ANAPC10: variants seen among roughly 807,000 people sequenced by gnomAD.
The protein encoded by ANAPC10 is anaphase promoting complex subunit 10, also known as anaphase-promoting complex subunit 10.
A neutral mutation model predicts 22.0 loss-of-function variants in ANAPC10; 12 were observed. The ratio of observed to expected loss-of-function variants is 0.55; its 90% CI spans 0.35 to 0.88. The LOEUF (loss-of-function observed/expected upper bound fraction) is 0.88, where lower values mean the gene tolerates loss of function less well. ANAPC10 is among the 40% of genes least tolerant of loss of function. The pLI is 0.01. For synonymous variants in ANAPC10, 65 were observed against 69.5 expected (o/e 0.94, Z 0.32); for missense variants, 188 against 220.9 (o/e 0.85, Z 0.94).
chr4:145,034,950 G>A lies in ANAPC10; in HGVS notation c.327+29622C>T, dbSNP rs7694369. 4.4e-3 allele frequency among the ~76,000 whole-genome samples: 667 copies of A among 152,246 alleles called. 3 individuals carry two copies. The highest frequency in any genetic ancestry group is 0.015 in the African/African-American group (613 of 41,540). Reference sequence around the variant, plus strand: ...GATGGATTTCAGAGAGCAGCAGCTGGAGCCATCAGTCAGTTACTGTTTGTG... The same window carrying A: ...GATGGATTTCAGAGAGCAGCAGCTGAAGCCATCAGTCAGTTACTGTTTGTG... On this transcript the variant is annotated intron_variant, in intron 4 of 4. Transcript: ENST00000507656.
chr4:145,000,203 G>A (rs1324620962), intron 4 of ANAPC10, among the ~76,000 whole-genome samples: 1 of 152,102 alleles, frequency 6.6e-6, no homozygotes, highest in Non-Finnish European at 1.5e-5. Flanking sequence ...TTGTCAAATG[G>A]GATCTAATTA....
chr4:145,007,863 C>T (rs948116650), intron 4 of ANAPC10, among the ~76,000 whole-genome samples: 6 of 20,360 alleles, frequency 2.9e-4, no homozygotes, highest in Admixed American at 9.6e-4. Flanking sequence ...ACAAAAAAAA[C>T]CCTTCAAAAA....
intron 4 of ANAPC10, among the ~76,000 whole-genome samples, chr4:145,037,470 T>C (rs1473805325): frequency 2.0e-5 from 3 of 152,146 alleles, no homozygotes; most frequent in African/African-American, 4.8e-5. Flanking sequence ...AGGTTAAAAC[T>C]AGCCTTTAAG....
At chr4:145,084,116 A>G (rs1345640558) in intron 2 of ANAPC10, among the ~76,000 whole-genome samples, 1 of 152,196 alleles carries the variant, frequency 6.6e-6, no homozygotes, top group African/African-American at 2.4e-5. Flanking sequence ...AACCACAGGC[A>G]TGTGCCACCA....
intron 4 of ANAPC10, among the ~76,000 whole-genome samples, chr4:145,022,830 T>C (rs1736152807): frequency 6.6e-6 from 1 of 151,954 alleles, no homozygotes. Context: ...ACAGCATCTT[T>C]TTTTTATATT....
At chr4:145,080,113 CAAAAAAAAAAAAA>C (rs70956824) in intron 3 of ANAPC10, among the ~76,000 whole-genome samples, 5 of 26,790 alleles carry the variant, frequency 1.9e-4, no homozygotes, top group African/African-American at 7.1e-4. Flanking sequence ...GACTCTGTCT[CAAAAAAAAAAAAA>C]AAAAAAAAAA....
In ANAPC10 at chr4:145,018,355, C is replaced by T. The variant is rs1036550959; in HGVS notation, c.328-22752G>A. Among the ~76,000 whole-genome samples, 9 of 152,060 alleles carry T rather than the reference C, an allele frequency of 5.9e-5. No homozygotes were observed. In the Middle Eastern group the frequency reaches 0.01, roughly 172 times the overall value. On this transcript the variant is annotated intron_variant, in intron 4 of 4. Coordinates refer to ENST00000507656, the MANE Select transcript of ANAPC10 (RefSeq NM_001256706.2). ...AATGGATAAGCATTCACCAACTGGC[C>T]GGGCACCGCGGCTCACACCTATAAT...
intron 4 of ANAPC10, among the ~76,000 whole-genome samples, chr4:145,020,348 C>G (rs1313763819): frequency 6.6e-6 from 1 of 152,014 alleles, no homozygotes; most frequent in Non-Finnish European, 1.5e-5. Context: ...GATCATCTCA[C>G]CAGATGCAGA....
chr4:145,066,691 G>C (rs1259980840), intron 3 of ANAPC10, among the ~76,000 whole-genome samples: 7 of 151,928 alleles, frequency 4.6e-5, no homozygotes, highest in Admixed American at 2.0e-4. Flanking sequence ...TTTGTGTCTG[G>C]CCCAGAAGTA....
chr4:145,020,737 C>A (rs528547903), intron 4 of ANAPC10, among the ~76,000 whole-genome samples: 1 of 151,906 alleles, frequency 6.6e-6, no homozygotes, highest in East Asian at 1.9e-4. Flanking sequence ...GTAAAGTTTC[C>A]AGATACAAGA....
chr4:145,036,452 G>A (rs1045652262), intron 4 of ANAPC10, among the ~76,000 whole-genome samples: 3 of 152,176 alleles, frequency 2.0e-5, no homozygotes, highest in African/African-American at 7.2e-5. Context: ...CTCCCAAAGA[G>A]TGAGGCAAGA....
intron 4 of ANAPC10, among the ~76,000 whole-genome samples, chr4:145,050,327 A>G (rs944168991): frequency 2.0e-5 from 3 of 152,102 alleles, no homozygotes; most frequent in African/African-American, 7.2e-5. Context: ...ATATTCAGGA[A>G]CCCATGCTCT....
In ANAPC10 at chr4:144,995,242, A is replaced by C; in HGVS notation, c.*131T>G. 1 of 508,998 alleles carries C rather than the reference A, an allele frequency of 2.0e-6. No individual in the cohort carries two copies. The highest frequency in any genetic ancestry group is 3.3e-6 in the Non-Finnish European group (1 of 307,076). The allele number at this position is 508,998 out of a possible 1,614,324, so 31.5% of individuals were successfully genotyped here. ...GACCCCAAATTTATTTGTCAAAGTT[A>C]CAATAAAATATTTTTAAACATATAC... is the stretch of plus-strand genomic sequence containing the variant. On this transcript the variant is annotated 3_prime_UTR_variant, in exon 5 of 5. Transcript: ENST00000507656.
intron 4 of ANAPC10, among the ~76,000 whole-genome samples, chr4:145,057,382 T>C (rs1742216767): frequency 6.6e-6 from 1 of 152,204 alleles, no homozygotes; most frequent in Admixed American, 6.5e-5. Context: ...CCTGACTTTA[T>C]ATGACTTCAT....
At chr4:145,017,315 G>C (rs891659626) in intron 4 of ANAPC10, among the ~76,000 whole-genome samples, 1 of 152,188 alleles carries the variant, frequency 6.6e-6, no homozygotes, top group African/African-American at 2.4e-5. Context: ...TGAAGGATAT[G>C]AACAGACACT....
chr4:145,075,354 A>G (rs1209608293), intron 3 of ANAPC10, among the ~76,000 whole-genome samples: 4 of 152,216 alleles, frequency 2.6e-5, no homozygotes, highest in Non-Finnish European at 5.9e-5. Flanking sequence ...TTACTAATAA[A>G]GAGACTAGTA....
intron 4 of ANAPC10, 181 bp downstream of exon 4, chr4:145,064,391 A>G (rs1043564015): frequency 8.1e-5 from 34 of 418,822 alleles, no homozygotes; most frequent in Non-Finnish European, 1.3e-4. Flanking sequence ...AATATTGTGG[A>G]AAAAATAAAG....
At chr4:145,016,234 C>T (rs1192364542) in intron 4 of ANAPC10, among the ~76,000 whole-genome samples, 2 of 152,090 alleles carry the variant, frequency 1.3e-5, no homozygotes, top group Admixed American at 1.3e-4. Flanking sequence ...CCGTCTCAGC[C>T]CAAAATCTCC....
intron 4 of ANAPC10, among the ~76,000 whole-genome samples, chr4:145,033,967 A>G (rs924980353): frequency 6.6e-6 from 1 of 152,206 alleles, no homozygotes; most frequent in Non-Finnish European, 1.5e-5. Flanking sequence ...GCATTTAAGT[A>G]TTGTTAACTT....
Sources: allele counts gnomAD v4.1 joint callset (sites outside exome capture counted in the v4.1 genomes callset), GRCh38; gene constraint gnomAD v4.1.1; transcripts MANE v1.5; gene names NCBI Gene and HGNC (gene_info 2026-07-23, HGNC 2026-07-21).